SPECC1L: variants seen among roughly 807,000 people sequenced by gnomAD.
SPECC1L encodes sperm antigen with calponin homology and coiled-coil domains 1 like.
In SPECC1L, 40 loss-of-function variants were observed where a neutral mutation model predicts 116.8. The ratio of observed to expected loss-of-function variants is 0.34; its 90% CI spans 0.27 to 0.45. The LOEUF is 0.45. Ranked by LOEUF, SPECC1L falls within the 20% of genes least tolerant of loss-of-function variation. SPECC1L has a pLI of 1.00. For synonymous variants in SPECC1L, 504 were observed against 500.6 expected, an observed-to-expected ratio of 1.01 and a Z score of -0.09; for missense variants, 1,110 against 1,373.6, an observed-to-expected ratio of 0.81 and a Z score of 3.03.
At chr22:24,354,149 C>T (rs773583950) in intron 11 of SPECC1L, among the ~76,000 whole-genome samples, 12 of 152,196 alleles carry the variant, frequency 7.9e-5, no homozygotes, top group Non-Finnish European at 1.2e-4. Context: ...CCAAGCCATT[C>T]ATGAGGGATC....
intron 14 of SPECC1L, among the ~76,000 whole-genome samples, chr22:24,410,813 A>G (rs1601370706): frequency 6.6e-6 from 1 of 152,144 alleles, no homozygotes; most frequent in Admixed American, 6.5e-5. Context: ...ACTTTGAGAT[A>G]CACCCTGACT....
intron 16 of SPECC1L, 48 bp downstream of exon 16, chr22:24,412,755 A>G: frequency 3.1e-6 from 5 of 1,595,150 alleles, no homozygotes; most frequent in Non-Finnish European, 4.3e-6. Flanking sequence ...CCTTCTGGTT[A>G]AGAAGAGTTC....
chr22:24,277,605 T>A (rs188395437), intron 2 of SPECC1L, among the ~76,000 whole-genome samples: 144 of 152,360 alleles, frequency 9.5e-4, no homozygotes, highest in African/African-American at 3.3e-3. Flanking sequence ...AGTCTAGGTA[T>A]TTTTATGTAA....
At chr22:24,363,075 A>G (rs933947631) in intron 11 of SPECC1L, among the ~76,000 whole-genome samples, 186 bp from the exon 12 acceptor site, 3 of 152,162 alleles carry the variant, frequency 2.0e-5, no homozygotes, top group East Asian at 1.9e-4. Flanking sequence ...GGAATGTTCT[A>G]CTGTGTTCTG....
chr22:24,387,079 A>G (rs1200803556), intron 14 of SPECC1L, among the ~76,000 whole-genome samples: 1 of 152,194 alleles, frequency 6.6e-6, no homozygotes, highest in Non-Finnish European at 1.5e-5. Flanking sequence ...AAACTGTTCT[A>G]GCCAGTTTGG....
intron 6 of SPECC1L, among the ~76,000 whole-genome samples, chr22:24,326,317 A>C (rs575243845): frequency 1.3e-5 from 2 of 152,322 alleles, no homozygotes; most frequent in African/African-American, 4.8e-5. Flanking sequence ...CAACATTAGA[A>C]ATTTTTCAGC....
At chr22:24,349,804 G>C (rs2041383944) in intron 11 of SPECC1L, among the ~76,000 whole-genome samples, 1 of 152,070 alleles carries the variant, frequency 6.6e-6, no homozygotes, top group African/African-American at 2.4e-5. Flanking sequence ...TCACCTCCCT[G>C]GTATAAGCCA....
At chr22:24,386,291 A>G (rs1252335166) in intron 14 of SPECC1L, among the ~76,000 whole-genome samples, 4 of 152,098 alleles carry the variant, frequency 2.6e-5, no homozygotes, top group Non-Finnish European at 4.4e-5. Flanking sequence ...TGCTCTCATC[A>G]CTTCTATTCA....
intron 10 of SPECC1L, among the ~76,000 whole-genome samples, chr22:24,341,160 G>A (rs757997355): frequency 2.0e-5 from 3 of 152,096 alleles, no homozygotes; most frequent in South Asian, 2.1e-4. Context: ...GCGACTGCTC[G>A]AATTTGCAGG....
chr22:24,412,148 G>A (rs2042710411), intron 15 of SPECC1L: 12 of 351,532 alleles, frequency 3.4e-5, no homozygotes, highest in Middle Eastern at 9.7e-4. Context: ...GCACTCCAGG[G>A]CATGGTTTAA....
chr22:24,368,988 T>C (rs138082092), intron 13 of SPECC1L, among the ~76,000 whole-genome samples: 54 of 152,332 alleles, frequency 3.5e-4, no homozygotes, highest in Admixed American at 5.9e-4. Context: ...TTTGCCACTT[T>C]CCATGTGGGT....
chr22:24,365,510 C>T lies in SPECC1L; in HGVS notation c.2862C>T (p.Asp954=), dbSNP rs777143213. 6.2e-7 allele frequency: 1 copy of T among 1,614,118 alleles called. No individual in the cohort carries two copies. Among genetic ancestry groups the T allele is most frequent in the Non-Finnish European group, 8.5e-7 (1 of 1,180,010 alleles). The part of the protein sequence containing the change: ...SRRSSEEVKR[D]ISAQEGASPA... ...GAAGTAGTGAAGAAGTGAAACGGGA[C>T]ATTTCTGCACAGGAGGGAGCGTCGC... The change falls in exon 13 of 17, where the codon GAC becomes GAT. Residue 954 remains aspartate, a synonymous_variant. Transcript: ENST00000314328.
At chr22:24,272,701 G>A (rs944996086) in intron 1 of SPECC1L, among the ~76,000 whole-genome samples, 1 of 151,486 alleles carries the variant, frequency 6.6e-6, no homozygotes, top group African/African-American at 2.4e-5. Context: ...CAATATACAT[G>A]TATGTTGTAA....
intron 2 of SPECC1L, among the ~76,000 whole-genome samples, chr22:24,290,529 G>T (rs2049138082): frequency 1.3e-5 from 2 of 152,224 alleles, no homozygotes; most frequent in Admixed American, 1.3e-4. Context: ...GCCTCAGTCA[G>T]TAAGCATTGA....
In SPECC1L at chr22:24,283,217, T is replaced by A. The variant is rs558535892; in HGVS notation, c.-38+6414T>A. ...CGTCAGCCTCAGGAGTAGCTGGGAC[T>A]ACTGGCGCTGGCCACCATGCCCGGC... On this transcript the variant is annotated intron_variant, in intron 2 of 16. Transcript: ENST00000314328. Among the ~76,000 whole-genome samples, 5 of 152,288 alleles carry A rather than the reference T, an allele frequency of 3.3e-5. No individual in the cohort carries two copies. In the South Asian group the frequency reaches 1.0e-3, roughly 32 times the overall value.
rs199683657 is a variant in SPECC1L, at chr22:24,414,760, G to A, written c.*137G>A. On this transcript the variant is annotated 3_prime_UTR_variant, in exon 17 of 17. Transcript: ENST00000314328. Reference sequence around the variant, plus strand: ...CCCACAGCGTGTGAGCCTCCAGCTCGGGGCTTCCGTATTGGAAGAACTCAG... The same window carrying A: ...CCCACAGCGTGTGAGCCTCCAGCTCAGGGCTTCCGTATTGGAAGAACTCAG... The A allele has an allele frequency of 9.7e-5, 71 of 735,600 alleles. No individual in the cohort carries two copies. Among genetic ancestry groups the A allele is most frequent in the Non-Finnish European group, 1.5e-4 (65 of 424,468 alleles). The allele number at this position is 735,600 out of a possible 1,614,324, so 45.6% of individuals were successfully genotyped here. A position where few individuals can be genotyped will look rare whatever the true frequency, so the allele number is the denominator to read the frequency against.
intron 14 of SPECC1L, among the ~76,000 whole-genome samples, chr22:24,401,646 G>A (rs758456351): frequency 3.4e-4 from 51 of 152,186 alleles, no homozygotes; most frequent in Non-Finnish European, 5.0e-4. Flanking sequence ...TGGTTTCCAA[G>A]CCAGGCTGGG....
chr22:24,411,778 C>CTGAGGCAGGTG, intron 15 of SPECC1L, 74 bp downstream of exon 15: 2 of 1,229,682 alleles, frequency 1.6e-6, no homozygotes, highest in Non-Finnish European at 2.4e-6. Context: ...GCAGCACCTG[C>CTGAGGCAGGTG]CTCAGCAGGT....
chr22:24,303,633 T>C (rs2049427722), intron 3 of SPECC1L, among the ~76,000 whole-genome samples: 4 of 152,170 alleles, frequency 2.6e-5, no homozygotes, highest in Admixed American at 2.6e-4. Context: ...GGCCTCTTCG[T>C]CAGAGGCAGG....
Sources: gnomAD v4.1 joint callset for allele counts (sites outside exome capture counted in the v4.1 genomes callset) on GRCh38, gnomAD v4.1.1 for gene constraint, MANE v1.5 for transcripts, NCBI Gene and HGNC (gene_info 2026-07-23, HGNC 2026-07-21) for gene names.